Variants in KCNU1 observed in about 807,000 individuals in gnomAD.
KCNU1 encodes potassium channel subfamily U member 1.
KCNU1 carries 93 observed loss-of-function variants against 126.8 expected under a neutral mutation model. That is an observed-to-expected ratio of 0.73 (90% CI 0.62 to 0.87). KCNU1 has a LOEUF of 0.87. Among genes scored for constraint, KCNU1 ranks in the 40% least tolerant of loss-of-function variants. The pLI, the probability that KCNU1 is intolerant of heterozygous loss-of-function variation, is 0.00. For synonymous variants in KCNU1, 523 were observed against 494.2 expected (o/e 1.06, Z -0.77); for missense variants, 1,330 against 1,367.1 (o/e 0.97, Z 0.43).
At chr8:36,893,579 G>C (rs1201626009) in intron 19 of KCNU1, among the ~76,000 whole-genome samples, 2 of 151,914 alleles carry the variant, frequency 1.3e-5, no homozygotes, top group Non-Finnish European at 2.9e-5. Context: ...TAGACTGCTG[G>C]TTTTCAGAGC....
rs1160956095 is a variant in KCNU1, at chr8:36,826,167, C to T, written c.1107-7387C>T. ...GCTAGCCTTTTTCTTTTTTATTGTT[C>T]CAGTTATATGTCCTGATTTTTTTTA... On this transcript the variant is annotated intron_variant, in intron 10 of 26. Transcript: ENST00000399881. Among the ~76,000 whole-genome samples, 4 of 150,756 alleles carry T rather than the reference C, an allele frequency of 2.7e-5. 1 individual carries two copies. Among genetic ancestry groups the T allele is most frequent in the Admixed American group, 2.0e-4 (3 of 15,092 alleles).
chr8:36,821,984 T>TGA (rs1563276664), intron 10 of KCNU1, among the ~76,000 whole-genome samples: 1 of 152,160 alleles, frequency 6.6e-6, no homozygotes, highest in African/African-American at 2.4e-5. Flanking sequence ...TTTCAACTTA[T>TGA]GATGGGTTTA....
chr8:36,871,495 T>C (rs1179082357), intron 19 of KCNU1, among the ~76,000 whole-genome samples: 1 of 152,122 alleles, frequency 6.6e-6, no homozygotes, highest in Non-Finnish European at 1.5e-5. Flanking sequence ...AATTTTATTG[T>C]TATTGCTTAA....
chr8:36,831,627 T>G (rs372401408), intron 10 of KCNU1, among the ~76,000 whole-genome samples: 1 of 147,614 alleles, frequency 6.8e-6, no homozygotes, highest in Non-Finnish European at 1.5e-5. Flanking sequence ...TCTTGTAAAT[T>G]TGTTTGAGTT....
intron 9 of KCNU1, 45 bp downstream of exon 9, chr8:36,815,732 A>G (rs1803886363): frequency 2.7e-6 from 3 of 1,103,698 alleles, no homozygotes; most frequent in Middle Eastern, 2.5e-4. Flanking sequence ...AAGAAATTCT[A>G]TTAGCCATAT....
At chr8:36,888,563 C>G (rs1290392299) in intron 19 of KCNU1, 1 of 533,788 alleles carries the variant, frequency 1.9e-6, no homozygotes. Context: ...TGGGCTGTGC[C>G]TGGAAGTGGA....
chr8:36,800,708 G>A (rs1338853146), intron 2 of KCNU1, among the ~76,000 whole-genome samples: 3 of 152,168 alleles, frequency 2.0e-5, no homozygotes, highest in African/African-American at 7.2e-5. Flanking sequence ...GCTCTTCTCA[G>A]AATTATCTTT....
chr8:36,834,613 T>C (rs1424149278), intron 11 of KCNU1, among the ~76,000 whole-genome samples, 173 bp from the exon 12 acceptor site: 1 of 152,228 alleles, frequency 6.6e-6, no homozygotes, highest in Non-Finnish European at 1.5e-5. Flanking sequence ...CTTTGCAGCA[T>C]TTGCAGGACA....
intron 12 of KCNU1, 33 bp downstream of exon 12, chr8:36,834,901 T>C (rs1346652318): frequency 7.3e-7 from 1 of 1,379,122 alleles, no homozygotes; most frequent in Admixed American, 1.8e-5. Context: ...CTATAACGAT[T>C]ATTTTTTTCT....
chr8:36,858,671 G>A (rs1016082503), intron 18 of KCNU1, among the ~76,000 whole-genome samples: 39 of 152,188 alleles, frequency 2.6e-4, no homozygotes, highest in African/African-American at 9.1e-4. Context: ...CTTTTTAGCT[G>A]ACTTTTATGA....
At chr8:36,885,293 G>A (rs1185319241) in intron 19 of KCNU1, among the ~76,000 whole-genome samples, 3 of 152,152 alleles carry the variant, frequency 2.0e-5, no homozygotes, top group East Asian at 1.9e-4. Context: ...GATGGCTCAC[G>A]CCTATAATCC....
chr8:36,871,060 A>T (rs1705748820), intron 19 of KCNU1, among the ~76,000 whole-genome samples: 1 of 152,186 alleles, frequency 6.6e-6, no homozygotes, highest in African/African-American at 2.4e-5. Flanking sequence ...AAGTTTAATA[A>T]ATATCTTCAT....
intron 9 of KCNU1, among the ~76,000 whole-genome samples, chr8:36,816,073 C>T (rs189781237): frequency 2.6e-5 from 4 of 151,320 alleles, no homozygotes; most frequent in Admixed American, 6.6e-5. Context: ...CATAATGGAT[C>T]GGATTAAAGC....
At chr8:36,910,789 A>G (rs1807840288) in intron 21 of KCNU1, 141 bp from the exon 22 acceptor site, 1 of 550,302 alleles carries the variant, frequency 1.8e-6, no homozygotes, top group East Asian at 2.8e-5. Context: ...GATATGAGGT[A>G]ACTAAGTTTT....
chr8:36,786,315 A>G (rs1307166069), intron 1 of KCNU1, among the ~76,000 whole-genome samples: 1 of 152,224 alleles, frequency 6.6e-6, no homozygotes, highest in African/African-American at 2.4e-5. Flanking sequence ...TGAGTATTCT[A>G]TATTAATGTC....
chr8:36,912,715 T>C (rs1807929477), intron 22 of KCNU1, among the ~76,000 whole-genome samples: 1 of 152,062 alleles, frequency 6.6e-6, no homozygotes, highest in Non-Finnish European at 1.5e-5. Context: ...CTCACGCCTG[T>C]AATCCCAGCA....
At chr8:36,888,551 A>G (rs746032442) in intron 19 of KCNU1, 3 of 533,542 alleles carry the variant, frequency 5.6e-6, no homozygotes, top group Middle Eastern at 3.2e-4. Context: ...GGAGATCACA[A>G]ATGGGCTGTG....
intron 10 of KCNU1, among the ~76,000 whole-genome samples, chr8:36,827,332 T>A (rs2130517682): frequency 6.6e-6 from 1 of 152,314 alleles, no homozygotes; most frequent in East Asian, 1.9e-4. Flanking sequence ...GTTATGCCAG[T>A]TTATATTTTG....
rs868591280 is a variant in KCNU1 at position 36,836,306 on chromosome 8, A to C, written c.1306A>C (p.Ile436Leu). 1 of 1,604,280 alleles carries C rather than the reference A, an allele frequency of 6.2e-7. No individual in the cohort carries two copies. Among genetic ancestry groups the C allele is most frequent in the Non-Finnish European group, 8.5e-7 (1 of 1,171,762 alleles). Residue 436 changes from isoleucine to leucine, a missense_variant, in exon 13 of 27, where the codon ATC becomes CTC. By Grantham distance (5) the Ile-to-Leu change is conservative (BLOSUM62 2). This residue lies in a region of KCNU1 where 1,054 missense variants were observed against 1,053.9 expected (regional missense o/e 1.00). Transcript: ENST00000399881. ...DISNIMRVLS[I>L]KNYDSTTRII... ...TTGGGGTTTATATAGGGTGCTCTCT[A>C]TCAAGAACTATGATTCTACCACCAG...
Sources: allele counts gnomAD v4.1 joint callset (sites outside exome capture counted in the v4.1 genomes callset), GRCh38; gene constraint gnomAD v4.1.1; regional missense constraint gnomAD v4.1.1; transcripts MANE v1.5; gene names NCBI Gene and HGNC (gene_info 2026-07-23, HGNC 2026-07-21).